The following SRPK2 variants were observed in gnomAD, a reference collection of about 807,000 sequenced individuals.
The protein encoded by SRPK2 is SRSF protein kinase 2, also known as SFRS protein kinase 2.
Under a neutral mutation model 90.8 loss-of-function variants are expected in SRPK2, and 21 were observed. That is an observed-to-expected ratio of 0.23 (90% CI 0.16 to 0.33). SRPK2 has a LOEUF of 0.33. Ranked by LOEUF, SRPK2 falls within the 10% of genes least tolerant of loss-of-function variation. SRPK2 has a pLI of 1.00. For synonymous variants in SRPK2, 288 were observed against 311.1 expected (o/e 0.93, Z 0.78); for missense variants, 620 against 869.0 (o/e 0.71, Z 3.60).
chr7:105,141,666 C>T (rs745582838), intron 11 of SRPK2, among the ~76,000 whole-genome samples: 1 of 152,128 alleles, frequency 6.6e-6, no homozygotes, highest in African/African-American at 2.4e-5. Context: ...AATATAATGA[C>T]ATTAGATGGA....
intron 2 of SRPK2, among the ~76,000 whole-genome samples, chr7:105,292,375 G>T (rs541423369): frequency 6.6e-6 from 1 of 151,958 alleles, no homozygotes; most frequent in African/African-American, 2.4e-5. Context: ...GGGTGTGGCG[G>T]CATATGCCTG....
intron 2 of SRPK2, among the ~76,000 whole-genome samples, chr7:105,291,897 T>G (rs13233843): frequency 1.3e-5 from 2 of 152,354 alleles, no homozygotes; most frequent in South Asian, 4.1e-4. Context: ...TTATTCTTTA[T>G]GCTTATAATT....
intron 7 of SRPK2, among the ~76,000 whole-genome samples, chr7:105,149,403 T>G (rs1428505352): frequency 7.9e-5 from 12 of 152,170 alleles, no homozygotes; most frequent in African/African-American, 2.4e-4. Context: ...ATTGCTCACG[T>G]GTTTGTTGCT....
At chr7:105,220,847 T>C (rs986543720) in intron 2 of SRPK2, among the ~76,000 whole-genome samples, 3 of 152,204 alleles carry the variant, frequency 2.0e-5, no homozygotes, top group Non-Finnish European at 4.4e-5. Context: ...TTGAATTGTT[T>C]AAAATGTTTT....
intron 2 of SRPK2, among the ~76,000 whole-genome samples, chr7:105,332,471 C>T (rs1814539391): frequency 6.6e-6 from 1 of 152,056 alleles, no homozygotes; most frequent in Non-Finnish European, 1.5e-5. Flanking sequence ...AAAATAAGTG[C>T]TCACTTTGTA....
Position 105,361,577 on chromosome 7 carries a change from C to T in SRPK2, c.71+27071G>A, listed in dbSNP as rs575648285. Among the ~76,000 whole-genome samples the T allele has an allele frequency of 3.9e-5, 6 of 152,246 alleles. No homozygotes were observed. In the East Asian group the frequency reaches 1.2e-3, roughly 29 times the overall value. On this transcript the variant is annotated intron_variant, in intron 2 of 15. Transcript: ENST00000393651. The stretch of plus-strand genomic sequence containing the variant: ...TCATGCTACCTGACTTCAGACTATA[C>T]TACAAGGCTACAGTAACAAAAACAG...
At chr7:105,229,644 G>A (rs1281849370) in intron 2 of SRPK2, among the ~76,000 whole-genome samples, 1 of 152,196 alleles carries the variant, frequency 6.6e-6, no homozygotes, top group Non-Finnish European at 1.5e-5. Context: ...CTAGAGTCAG[G>A]TTACAGGACT....
At chr7:105,247,433 C>A (rs1249525057) in intron 2 of SRPK2, among the ~76,000 whole-genome samples, 1 of 151,672 alleles carries the variant, frequency 6.6e-6, no homozygotes. Context: ...TGACGATGTC[C>A]TTTAAGTACA....
At chr7:105,268,767 C>T in intron 2 of SRPK2, 1 of 1,572,878 alleles carries the variant, frequency 6.4e-7, no homozygotes, top group Non-Finnish European at 8.7e-7. Flanking sequence ...CTTAGCAATG[C>T]TACACCATTA....
At chr7:105,147,376 G>C (rs1804800412) in intron 7 of SRPK2, among the ~76,000 whole-genome samples, 4 of 152,080 alleles carry the variant, frequency 2.6e-5, no homozygotes. Context: ...GGAGTGCAGT[G>C]GCACAATCTT....
intron 2 of SRPK2, among the ~76,000 whole-genome samples, chr7:105,361,950 T>C (rs1818471622): frequency 1.7e-5 from 1 of 59,814 alleles, no homozygotes; most frequent in South Asian, 1.0e-3. Context: ...CGAAAGCGCC[T>C]GGCAACAAAA....
intron 11 of SRPK2, among the ~76,000 whole-genome samples, chr7:105,135,603 T>G (rs181103410): frequency 9.1e-4 from 138 of 152,284 alleles, no homozygotes; most frequent in African/African-American, 3.2e-3. Flanking sequence ...AGTAGCCGAG[T>G]TGGCTGTTAT....
At chr7:105,364,408 T>C (rs1234815202) in intron 2 of SRPK2, among the ~76,000 whole-genome samples, 1 of 150,576 alleles carries the variant, frequency 6.6e-6, no homozygotes, top group African/African-American at 2.4e-5. Flanking sequence ...GTGTAACGTT[T>C]TTTTTTTTTT....
At chr7:105,242,159 T>C (rs1585315936) in intron 2 of SRPK2, among the ~76,000 whole-genome samples, 1 of 152,210 alleles carries the variant, frequency 6.6e-6, no homozygotes, top group Admixed American at 6.5e-5. Context: ...CCTTCAACCT[T>C]AGAGCTCTAA....
chr7:105,216,655 CA>C (rs11337476), intron 2 of SRPK2, among the ~76,000 whole-genome samples: 91,818 of 130,646 alleles, frequency 0.7, 33,393 homozygotes, highest in Non-Finnish European at 0.84. Context: ...ACCCTGTCTC[CA>C]AAAAAAAAAA....
At chr7:105,390,607 GTTTTTT>G (rs869259356), upstream of SRPK2, among the ~76,000 whole-genome samples, 16 of 109,036 alleles carry the variant, frequency 1.5e-4, no homozygotes, top group African/African-American at 1.9e-4. Flanking sequence ...TTTTGTTTTT[GTTTTTT>G]TTTTTTTTTT....
At chr7:105,235,729 T>C (rs926880016) in intron 2 of SRPK2, among the ~76,000 whole-genome samples, 1 of 150,056 alleles carries the variant, frequency 6.7e-6, no homozygotes, top group African/African-American at 2.4e-5. Flanking sequence ...AAAATATCTT[T>C]AAAAAAAAAA....
In SRPK2 at chr7:105,233,063, C is replaced by G. The variant is rs112069076; in HGVS notation, c.72-29278G>C. On this transcript the variant is annotated intron_variant, in intron 2 of 15. Coordinates refer to ENST00000393651, the MANE Select transcript of SRPK2 (RefSeq NM_182692.3). ...AGAAGAGAGGGAGAGAGGGAGGGAG[C>G]AAGGAAGGAAGGAAGGAAAGGAAGG... is the stretch of plus-strand genomic sequence containing the variant. Among the ~76,000 whole-genome samples, 133 of 117,032 alleles carry G rather than the reference C, an allele frequency of 1.1e-3. 2 individuals carry two copies. Among genetic ancestry groups the G allele is most frequent in the Admixed American group, 3.3e-3 (31 of 9,358 alleles). The allele number at this position is 117,032 out of a possible 152,430, so 76.8% of individuals were successfully genotyped here. A position where few individuals can be genotyped will look rare whatever the true frequency, so the allele number is the denominator to read the frequency against.
intron 2 of SRPK2, among the ~76,000 whole-genome samples, chr7:105,241,607 G>C (rs1800824546): frequency 6.6e-6 from 1 of 152,140 alleles, no homozygotes; most frequent in Non-Finnish European, 1.5e-5. Flanking sequence ...TTTAGCTTCT[G>C]GTCCCTGGCT....
Sources: allele counts gnomAD v4.1 joint callset (sites outside exome capture counted in the v4.1 genomes callset), GRCh38; gene constraint gnomAD v4.1.1; transcripts MANE v1.5; gene names NCBI Gene and HGNC (gene_info 2026-07-23, HGNC 2026-07-21).